ASTN2: variants seen among roughly 807,000 people sequenced by gnomAD.
The protein encoded by ASTN2 is astrotactin-2.
Under a neutral mutation model 139.8 loss-of-function variants are expected in ASTN2, and 54 were observed. The ratio of observed to expected loss-of-function variants is 0.39; its 90% CI spans 0.31 to 0.48. The LOEUF is 0.48. ASTN2 is among the 20% of genes least tolerant of loss of function. ASTN2 has a pLI of 0.95. For synonymous variants in ASTN2, 756 were observed against 719.5 expected (o/e 1.05, Z -0.81); for missense variants, 1,565 against 1,725.1 (o/e 0.91, Z 1.64).
At chr9:116,730,887 ATT>A (rs1828759444) in intron 14 of ASTN2, among the ~76,000 whole-genome samples, 1 of 152,152 alleles carries the variant, frequency 6.6e-6, no homozygotes, top group South Asian at 2.1e-4. Context: ...TCATTCCTGG[ATT>A]CATGCCTGAA....
rs556788355 is a variant in ASTN2, at chr9:117,217,927, T to A, written c.631-3185A>T. ...CAAATGTTTGATATGTGCTCTTTCA[T>A]TCACCTTTACACCTATCATCATCCT... On this transcript the variant is annotated intron_variant, in intron 2 of 22. Coordinates refer to ENST00000313400, the MANE Select transcript of ASTN2 (RefSeq NM_001365068.1). Among the ~76,000 whole-genome samples, 17 of 152,356 alleles carry A rather than the reference T, an allele frequency of 1.1e-4. 1 individual carries two copies. Among genetic ancestry groups the A allele is most frequent in the African/African-American group, 4.1e-4 (17 of 41,588 alleles).
At chr9:116,804,173 A>G (rs6478253) in intron 13 of ASTN2, among the ~76,000 whole-genome samples, 1,776 of 152,248 alleles carry the variant, frequency 0.012, 47 homozygotes, top group African/African-American at 0.04. Context: ...GTGAATTCAC[A>G]TCTCCATTCT....
intron 7 of ASTN2, 100 bp downstream of exon 7, chr9:117,007,992 A>G (rs747248628): frequency 4.6e-6 from 6 of 1,294,618 alleles, no homozygotes; most frequent in Non-Finnish European, 6.2e-6. Context: ...CCACTTGTCA[A>G]TGGCTCAGAA....
intron 11 of ASTN2, among the ~76,000 whole-genome samples, chr9:116,832,963 T>TA (rs1564292227): frequency 9.9e-5 from 15 of 151,604 alleles, no homozygotes; most frequent in African/African-American, 2.7e-4. Flanking sequence ...TTTATTTATT[T>TA]TTTGGGAATT....
At chr9:117,296,617 G>T (rs919853646) in intron 1 of ASTN2, among the ~76,000 whole-genome samples, 3 of 152,172 alleles carry the variant, frequency 2.0e-5, no homozygotes, top group Admixed American at 2.0e-4. Context: ...AATGCATTGG[G>T]TCAGGAACCA....
chr9:117,336,860 T>G (rs1181573710), intron 1 of ASTN2, among the ~76,000 whole-genome samples: 1 of 152,156 alleles, frequency 6.6e-6, no homozygotes, highest in Admixed American at 6.5e-5. Context: ...ACTCGAAGCT[T>G]TAGCCATTAT....
chr9:117,010,639 C>T (rs752539611), intron 6 of ASTN2, among the ~76,000 whole-genome samples: 3 of 152,172 alleles, frequency 2.0e-5, no homozygotes, highest in Non-Finnish European at 4.4e-5. Flanking sequence ...TTACATAAGA[C>T]AATGCATTTG....
chr9:116,949,415 C>T (rs1342201015), intron 10 of ASTN2, among the ~76,000 whole-genome samples: 1 of 77,518 alleles, frequency 1.3e-5, no homozygotes, highest in East Asian at 3.3e-4. Context: ...TAGAGAAGTA[C>T]TGACCTCTCT....
In ASTN2 at chr9:117,414,158, G is replaced by T. The variant is rs574883879; in HGVS notation, c.442+339C>A. On this transcript the variant is annotated intron_variant, in intron 1 of 22. Coordinates refer to ENST00000313400, the MANE Select transcript of ASTN2 (RefSeq NM_001365068.1). The surrounding 1 kb of genome is among the most constrained non-coding windows in gnomAD (Gnocchi z 4.2). ...GACCTGAAACTGGCTTAGGATCTGG[G>T]ATGCTCCGGCCCCTAGCCAGAGCAC... Among the ~76,000 whole-genome samples the T allele has an allele frequency of 3.9e-5, 6 of 152,206 alleles. No individual in the cohort carries two copies. The East Asian group carries it at 1.2e-3, about 30-fold the overall frequency.
chr9:117,118,597 C>T (rs2132807545), intron 4 of ASTN2, among the ~76,000 whole-genome samples: 1 of 152,296 alleles, frequency 6.6e-6, no homozygotes, highest in Admixed American at 6.5e-5. Context: ...AAATGTAAAT[C>T]AAACCAAGTC....
At chr9:116,972,142 A>G (rs1455669003) in intron 10 of ASTN2, among the ~76,000 whole-genome samples, 1 of 152,162 alleles carries the variant, frequency 6.6e-6, no homozygotes, top group Non-Finnish European at 1.5e-5. Flanking sequence ...CACCCTTTCC[A>G]TCACCCAGAA....
chr9:116,490,303 A>AAAAAAAAAAAAAAAAAAT, intron 19 of ASTN2, among the ~76,000 whole-genome samples: 4 of 104,576 alleles, frequency 3.8e-5, no homozygotes, highest in East Asian at 6.4e-4. Flanking sequence ...AAAAAAAAAA[A>AAAAAAAAAAAAAAAAAAT]GGGGGCATTG....
Position 117,173,708 on chromosome 9 carries a change from G to T in ASTN2, c.1016-32230C>A, listed in dbSNP as rs907343740. ...GCAAAACTTGAGGTCTAGAGATAAA[G>T]AAACACTTCAGAGAAAGTTATACCA... On this transcript the variant is annotated intron_variant, in intron 3 of 22. Transcript: ENST00000313400. Among the ~76,000 whole-genome samples, 4 of 151,794 alleles carry T rather than the reference G, an allele frequency of 2.6e-5. No individual in the cohort carries two copies. The East Asian group carries it at 7.7e-4, about 29-fold the overall frequency.
intron 12 of ASTN2, among the ~76,000 whole-genome samples, chr9:116,819,141 T>C (rs1424697625): frequency 6.6e-6 from 1 of 152,198 alleles, no homozygotes; most frequent in African/African-American, 2.4e-5. Flanking sequence ...GTGGTAATAG[T>C]TTCTGATGTC....
intron 2 of ASTN2, among the ~76,000 whole-genome samples, chr9:117,225,979 G>T (rs746284677): frequency 2.0e-5 from 3 of 152,146 alleles, no homozygotes; most frequent in Non-Finnish European, 4.4e-5. Context: ...TTGGTTTGTG[G>T]CAACAGGTAA....
At chr9:117,375,418 C>A (rs1182080278) in intron 1 of ASTN2, among the ~76,000 whole-genome samples, 1 of 152,212 alleles carries the variant, frequency 6.6e-6, no homozygotes, top group Non-Finnish European at 1.5e-5. Flanking sequence ...TCAAAGCCTT[C>A]CACAACCAAT....
At chr9:116,944,789 G>C (rs1257606278) in intron 10 of ASTN2, among the ~76,000 whole-genome samples, 4 of 152,048 alleles carry the variant, frequency 2.6e-5, no homozygotes, top group Non-Finnish European at 5.9e-5. Flanking sequence ...AAAGGATAGG[G>C]GGCAATGCTG....
At chr9:116,654,963 C>T (rs149742406) in intron 16 of ASTN2, among the ~76,000 whole-genome samples, 1 of 152,192 alleles carries the variant, frequency 6.6e-6, no homozygotes, top group Non-Finnish European at 1.5e-5. Flanking sequence ...CTTTTTAAAT[C>T]TATCACCCCT....
At chr9:117,233,552 T>C (rs1832958774) in intron 2 of ASTN2, among the ~76,000 whole-genome samples, 1 of 152,178 alleles carries the variant, frequency 6.6e-6, no homozygotes, top group African/African-American at 2.4e-5. Context: ...TACCCCAAAA[T>C]GAACATCAAA....
Sources: gnomAD v4.1 joint callset for allele counts (sites outside exome capture counted in the v4.1 genomes callset) on GRCh38, gnomAD v4.1.1 for gene constraint, Gnocchi (gnomAD v3.1) non-coding constraint, MANE v1.5 for transcripts, NCBI Gene and HGNC (gene_info 2026-07-23, HGNC 2026-07-21) for gene names.